Variants in AHI1 observed in about 807,000 individuals in gnomAD.
AHI1 encodes the protein Abelson helper integration site 1, also known as jouberin.
Under a neutral mutation model 149.3 loss-of-function variants are expected in AHI1, and 123 were observed. The ratio of observed to expected loss-of-function variants is 0.82; its 90% CI spans 0.71 to 0.96. AHI1 has a LOEUF of 0.96. AHI1 is among the 40% of genes least tolerant of loss of function. The pLI is 0.00. For synonymous variants in AHI1, 475 were observed against 459.8 expected, an observed-to-expected ratio of 1.03 and a Z score of -0.42; for missense variants, 1,439 against 1,422.7, an observed-to-expected ratio of 1.01 and a Z score of -0.18.
chr6:135,294,698 CAA>C (rs56734547), intron 27 of AHI1, among the ~76,000 whole-genome samples: 5,513 of 68,066 alleles, frequency 0.081, 125 homozygotes, highest in African/African-American at 0.15. Flanking sequence ...TCTCCAAATG[CAA>C]AAAAAAAAAA....
chr6:135,310,119 A>G (rs1313100524), intron 26 of AHI1, among the ~76,000 whole-genome samples: 1 of 152,208 alleles, frequency 6.6e-6, no homozygotes, highest in Non-Finnish European at 1.5e-5. Flanking sequence ...CTGTTTCACC[A>G]TAACAAAAAT....
At chr6:135,369,652 T>C (rs985467076) in intron 23 of AHI1, among the ~76,000 whole-genome samples, 20 of 152,208 alleles carry the variant, frequency 1.3e-4, no homozygotes, top group African/African-American at 4.6e-4. Flanking sequence ...ATATGACTCT[T>C]TCTTCTTCCC....
chr6:135,297,226 A>C (rs1783208872), intron 27 of AHI1, among the ~76,000 whole-genome samples: 1 of 151,612 alleles, frequency 6.6e-6, no homozygotes, highest in South Asian at 2.1e-4. Flanking sequence ...AGATGCCCTC[A>C]AGACACTCAC....
intron 5 of AHI1, among the ~76,000 whole-genome samples, chr6:135,486,739 A>C (rs538462411): frequency 5.9e-5 from 9 of 152,194 alleles, no homozygotes; most frequent in African/African-American, 2.2e-4. Context: ...GAATCTTGCA[A>C]GTAAAATACC....
At chr6:135,453,271 A>G (rs1788414551) in intron 11 of AHI1, 70 bp downstream of exon 11, 1 of 1,204,358 alleles carries the variant, frequency 8.3e-7, no homozygotes. Context: ...GACCAAACTG[A>G]TTTGGGAGAA....
chr6:135,464,569 A>T (rs956370063), intron 7 of AHI1, among the ~76,000 whole-genome samples: 1 of 152,178 alleles, frequency 6.6e-6, no homozygotes, highest in African/African-American at 2.4e-5. Flanking sequence ...AATGCCACTT[A>T]TAAGATTAGG....
intron 14 of AHI1, among the ~76,000 whole-genome samples, chr6:135,441,669 C>A (rs1236556635): frequency 6.6e-6 from 1 of 152,074 alleles, no homozygotes; most frequent in Non-Finnish European, 1.5e-5. Flanking sequence ...TAAAATAATT[C>A]TTTCACTATC....
At chr6:135,460,771 T>C (rs1215638126) in intron 8 of AHI1, among the ~76,000 whole-genome samples, 2 of 152,164 alleles carry the variant, frequency 1.3e-5, no homozygotes, top group African/African-American at 2.4e-5. Context: ...CTGATCCACA[T>C]GTAACACAGT....
rs1226038676 is a variant in AHI1 at position 135,459,735 on chromosome 6, AG to A, written c.932-2023del. 1.8e-4 allele frequency among the ~76,000 whole-genome samples: 15 copies of A among 82,990 alleles called. No individual in the cohort carries two copies. The East Asian group carries it at 6.3e-3, about 35-fold the overall frequency. 54.4% of individuals were successfully genotyped at this position (82,990 alleles called of 152,430 possible). Reference sequence around the variant, plus strand: ...AACTACAGTATATCAAATAGCTGACAGAAGTAAAAAAAAAAAAAAAAAAGAT... The same window carrying A: ...AACTACAGTATATCAAATAGCTGACAAAGTAAAAAAAAAAAAAAAAAAGAT... On this transcript the variant is annotated intron_variant, in intron 8 of 28. Coordinates refer to ENST00000265602, the MANE Select transcript of AHI1 (RefSeq NM_001134831.2).
chr6:135,296,027 G>C (rs1040432311), intron 27 of AHI1, among the ~76,000 whole-genome samples: 2 of 151,972 alleles, frequency 1.3e-5, no homozygotes, highest in Non-Finnish European at 2.9e-5. Flanking sequence ...TAATTTTTTT[G>C]TATTTTTAGT....
intron 24 of AHI1, among the ~76,000 whole-genome samples, chr6:135,354,596 C>A (rs1792670215): frequency 6.6e-6 from 1 of 152,102 alleles, no homozygotes; most frequent in Non-Finnish European, 1.5e-5. Context: ...GCTGACTTAA[C>A]AATTAACTAA....
At chr6:135,446,969 T>C (rs759705799) in intron 13 of AHI1, 39 bp downstream of exon 13, 1 of 1,574,916 alleles carries the variant, frequency 6.3e-7, no homozygotes, top group Non-Finnish European at 8.6e-7. Context: ...AGGTAATAAG[T>C]AAACATCTAA....
chr6:135,317,237 C>T (rs566656381), intron 26 of AHI1, among the ~76,000 whole-genome samples: 1 of 151,916 alleles, frequency 6.6e-6, no homozygotes, highest in East Asian at 1.9e-4. Context: ...ATGTCATTCC[C>T]TGAATTACGT....
At chr6:135,301,156 G>A (rs1416262453) in intron 26 of AHI1, 1 of 983,894 alleles carries the variant, frequency 1.0e-6, no homozygotes, top group East Asian at 1.1e-4. Flanking sequence ...AAAGTATACT[G>A]TGGGAAATTG....
chr6:135,291,363 C>T (rs942982474), intron 27 of AHI1, among the ~76,000 whole-genome samples: 17 of 152,164 alleles, frequency 1.1e-4, no homozygotes, highest in African/African-American at 4.1e-4. Flanking sequence ...ACAGGGGCTT[C>T]TAGGGAGATA....
At chr6:135,357,452 T>C (rs1272076847) in intron 24 of AHI1, among the ~76,000 whole-genome samples, 1 of 152,200 alleles carries the variant, frequency 6.6e-6, no homozygotes, top group Non-Finnish European at 1.5e-5. Context: ...AAAACACTTC[T>C]GGTCCTAAGC....
intron 24 of AHI1, among the ~76,000 whole-genome samples, chr6:135,339,009 C>A (rs1429231394): frequency 1.3e-5 from 2 of 151,510 alleles, no homozygotes; most frequent in African/African-American, 4.9e-5. Context: ...CTCACTGCAA[C>A]CTCTGCCTAC....
intron 5 of AHI1, among the ~76,000 whole-genome samples, chr6:135,484,979 T>C (rs1440220771): frequency 6.6e-6 from 1 of 152,190 alleles, no homozygotes; most frequent in Non-Finnish European, 1.5e-5. Context: ...TTGTTAGTTA[T>C]CTGAAATGTA....
intron 23 of AHI1, among the ~76,000 whole-genome samples, chr6:135,373,642 T>C (rs539378420): frequency 3.3e-5 from 5 of 152,298 alleles, no homozygotes; most frequent in South Asian, 2.1e-4. Flanking sequence ...GCTGAAAGCA[T>C]ACATTTTTTA....
Sources: allele counts gnomAD v4.1 joint callset (sites outside exome capture counted in the v4.1 genomes callset), GRCh38; gene constraint gnomAD v4.1.1; transcripts MANE v1.5; gene names NCBI Gene and HGNC (gene_info 2026-07-23, HGNC 2026-07-21).